The following CES5A variants were observed in gnomAD, a reference collection of about 807,000 sequenced individuals.
CES5A encodes the protein carboxylesterase 5.
A neutral mutation model predicts 62.9 loss-of-function variants in CES5A; 67 were observed. That is an observed-to-expected ratio of 1.07 (90% CI 0.88 to 1.31). CES5A has a LOEUF of 1.31. CES5A is among the 50% of genes most tolerant of loss of function. The pLI is 0.00. For synonymous variants in CES5A, 296 were observed against 280.8 expected, an observed-to-expected ratio of 1.05 and a Z score of -0.54; for missense variants, 748 against 708.5, an observed-to-expected ratio of 1.06 and a Z score of -0.63.
chr16:55,885,870 A>G (rs1353962649), intron 1 of CES5A, among the ~76,000 whole-genome samples: 1 of 152,216 alleles, frequency 6.6e-6, no homozygotes, highest in Non-Finnish European at 1.5e-5. Context: ...TGAGCTGAGT[A>G]TTTTCAGATC....
intron 1 of CES5A, among the ~76,000 whole-genome samples, chr16:55,894,511 AAAAAG>A (rs1286284419): frequency 7.3e-5 from 11 of 150,828 alleles, no homozygotes; most frequent in South Asian, 2.1e-4. Flanking sequence ...AAAAAAAAAA[AAAAAG>A]AAAAGAAAAG....
In CES5A at chr16:55,863,441, G is replaced by A. The variant is rs367922488; in HGVS notation, c.717C>T (p.Pro239=). ...AISVSSLILS[P]MAKGLFHKAI... is the part of the protein sequence containing the mutation. ...CTTTGTGGAATAAGCCTTTGGCCAT[G>A]GGAGACAGTATCTGGAGAGAGAACA... The change falls in exon 6 of 13, where the codon CCC becomes CCT. Residue 239 remains proline (P), a synonymous_variant. Transcript: ENST00000290567. The A allele has an allele frequency of 1.3e-6, 2 of 1,582,174 alleles. No individual in the cohort carries two copies. The highest frequency in any genetic ancestry group is 2.2e-4 in the Middle Eastern group (1 of 4,576).
At chr16:55,846,958 C>A (rs1351996486) in intron 11 of CES5A, 118 bp from the exon 12 acceptor site, 6 of 869,102 alleles carry the variant, frequency 6.9e-6, no homozygotes, top group Non-Finnish European at 9.4e-6. Context: ...TACAAGCCTA[C>A]CAAGTCACTG....
intron 4 of CES5A, among the ~76,000 whole-genome samples, chr16:55,868,387 C>A (rs1417106581): frequency 6.6e-6 from 1 of 152,178 alleles, no homozygotes; most frequent in African/African-American, 2.4e-5. Flanking sequence ...TCCCTCCCAA[C>A]TTCCTAGTTT....
In CES5A at chr16:55,871,730, A is replaced by G; in HGVS notation, c.312T>C (p.Asp104=). ...GGTAATGCACCTTGAGCATATGTTG[A>G]TCTAAGAGCAGCCACTCTGAGTTCT... ...CLQNSEWLLL[D]QHMLKVHYPK... Residue 104 remains aspartate (D), a synonymous_variant, in exon 3 of 13, where the codon GAT becomes GAC. Transcript: ENST00000290567. 6.2e-7 allele frequency: 1 copy of G among 1,614,054 alleles called. No individual in the cohort carries two copies. The highest frequency in any genetic ancestry group is 1.1e-5 in the South Asian group (1 of 91,074).
chr16:55,935,204 A>G (rs2034359878), intron 2 of CES5A, among the ~76,000 whole-genome samples: 1 of 152,190 alleles, frequency 6.6e-6, no homozygotes, highest in South Asian at 2.1e-4. Flanking sequence ...TGGCCTCCCA[A>G]TGTGCTGGGA....
At chr16:55,881,339 C>T (rs1405753596) in intron 1 of CES5A, among the ~76,000 whole-genome samples, 8 of 152,100 alleles carry the variant, frequency 5.3e-5, no homozygotes, top group East Asian at 3.9e-4. Flanking sequence ...GAATGAATCG[C>T]GTGATGTGGC....
chr16:55,856,327 C>G, intron 9 of CES5A, 50 bp downstream of exon 9: 1 of 1,555,594 alleles, frequency 6.4e-7, no homozygotes, highest in Non-Finnish European at 8.9e-7. Context: ...CTAGGGCTAT[C>G]TGTTAAGTGC....
At chr16:55,869,956 C>T (rs1457035728) in intron 3 of CES5A, among the ~76,000 whole-genome samples, 1 of 152,236 alleles carries the variant, frequency 6.6e-6, no homozygotes, top group African/African-American at 2.4e-5. Flanking sequence ...CACTGACTAG[C>T]TGTGTGACCT....
intron 1 of CES5A, among the ~76,000 whole-genome samples, chr16:55,881,064 C>T (rs577983548): frequency 6.6e-6 from 1 of 152,272 alleles, no homozygotes; most frequent in Admixed American, 6.5e-5. Context: ...TGGATGGATG[C>T]ATTTGAGAAC....
At chr16:55,915,286 C>T (rs145238584) in intron 1 of CES5A, among the ~76,000 whole-genome samples, 193 of 152,312 alleles carry the variant, frequency 1.3e-3, no homozygotes, top group African/African-American at 4.4e-3. Context: ...AATTGGATGC[C>T]AGGCACACCC....
chr16:55,922,987 A>C (rs2034223412), intron 1 of CES5A, among the ~76,000 whole-genome samples: 1 of 151,926 alleles, frequency 6.6e-6, no homozygotes, highest in African/African-American at 2.4e-5. Context: ...ATTTATTGAA[A>C]AAAATGAAAA....
chr16:55,872,830 T>C (rs1429736873), intron 2 of CES5A, among the ~76,000 whole-genome samples: 5 of 152,164 alleles, frequency 3.3e-5, no homozygotes, highest in Non-Finnish European at 7.3e-5. Context: ...ATATTTTAGC[T>C]GTCAATTACT....
intron 2 of CES5A, among the ~76,000 whole-genome samples, chr16:55,940,955 A>AT (rs1256503288): frequency 1.3e-5 from 2 of 151,516 alleles, no homozygotes; most frequent in East Asian, 3.9e-4. Flanking sequence ...ACAATTCATG[A>AT]TAAAAAAAAA....
chr16:55,863,468 A>C lies in CES5A; in HGVS notation c.706-16T>G, dbSNP rs1415068391. 1 of 1,330,840 alleles carries C rather than the reference A, an allele frequency of 7.5e-7. No homozygotes were observed. Among genetic ancestry groups the C allele is most frequent in the South Asian group, 1.2e-5 (1 of 85,338 alleles). The allele number at this position is 1,330,840 out of a possible 1,614,324, so 82.4% of individuals were successfully genotyped here. On this transcript the variant is annotated splice_polypyrimidine_tract_variant and intron_variant, in intron 5 of 12. Coordinates refer to ENST00000290567, the MANE Select transcript of CES5A (RefSeq NM_001143685.2). ...GAGACAGTATCTGGAGAGAGAACAC[A>C]GAAGACCCAGGAAAGGTTACTCCCC...
chr16:55,854,533 T>TTCTGTTTTCTTTCTG (rs554381792), intron 9 of CES5A, among the ~76,000 whole-genome samples: 1 of 12,358 alleles, frequency 8.1e-5, no homozygotes, highest in Admixed American at 9.2e-4. Flanking sequence ...TAGTGTTTCT[T>TTCTGTTTTCTTTCTG]TTTTTTTTTT....
intron 11 of CES5A, among the ~76,000 whole-genome samples, chr16:55,848,508 G>C (rs2033063135): frequency 6.6e-6 from 1 of 151,910 alleles, no homozygotes. Flanking sequence ...TAAGTGTTTT[G>C]TTTTTTTCAA....
rs753666614 is a variant in CES5A, at chr16:55,871,699, A to G, written c.343T>C (p.Phe115Leu). Residue 115 changes from phenylalanine (F) to leucine (L), a missense_variant, in exon 3 of 13, where the codon TTC becomes CTC. Phe to Leu is a conservative substitution (Grantham distance 22). Coordinates refer to ENST00000290567, the MANE Select transcript of CES5A (RefSeq NM_001143685.2). ...TAGAGGCAGTCTTCTGACACTCCGAATTTCGGGTAATGCACCTTGAGCATA... is the reference window on the plus strand; with the variant it reads ...TAGAGGCAGTCTTCTGACACTCCGAGTTTCGGGTAATGCACCTTGAGCATA... ...QHMLKVHYPK[F>L]GVSEDCLYLN... 1 of 1,613,948 alleles carries G rather than the reference A, an allele frequency of 6.2e-7. No homozygotes were observed. The highest frequency in any genetic ancestry group is 1.7e-5 in the Admixed American group (1 of 60,000).
chr16:55,894,873 A>G (rs1241196747), intron 1 of CES5A, among the ~76,000 whole-genome samples: 1 of 152,182 alleles, frequency 6.6e-6, no homozygotes, highest in Non-Finnish European at 1.5e-5. Flanking sequence ...TGGAAAAAAG[A>G]GTCCCTTGTT....
Sources: allele counts gnomAD v4.1 joint callset (sites outside exome capture counted in the v4.1 genomes callset), GRCh38; gene constraint gnomAD v4.1.1; transcripts MANE v1.5; gene names NCBI Gene and HGNC (gene_info 2026-07-23, HGNC 2026-07-21).